Variants in RNF6 observed in about 807,000 individuals in gnomAD.
RNF6 encodes the protein ring finger protein 6, also known as E3 ubiquitin-protein ligase RNF6.
Under a neutral mutation model 50.1 loss-of-function variants are expected in RNF6, and 21 were observed. That is an observed-to-expected ratio of 0.42 (90% CI 0.30 to 0.60). The LOEUF is 0.60. RNF6 is among the 20% of genes least tolerant of loss of function. RNF6 has a pLI of 0.20. For synonymous variants in RNF6, 255 were observed against 291.8 expected, an observed-to-expected ratio of 0.87 and a Z score of 1.29; for missense variants, 698 against 838.2, an observed-to-expected ratio of 0.83 and a Z score of 2.07.
chr13:26,194,098 T>A (rs1447595564), intron 5 of RNF6, among the ~76,000 whole-genome samples: 1 of 152,102 alleles, frequency 6.6e-6, no homozygotes, highest in Non-Finnish European at 1.5e-5. Flanking sequence ...CCACATGAGA[T>A]TGGTAATAAT....
intron 5 of RNF6, among the ~76,000 whole-genome samples, chr13:26,176,828 G>T (rs185853251): frequency 6.6e-6 from 1 of 152,192 alleles, no homozygotes; most frequent in Non-Finnish European, 1.5e-5. Context: ...CAGCTACTCA[G>T]GAGGCTGAGG....
intron 5 of RNF6, among the ~76,000 whole-genome samples, chr13:26,202,237 G>C (rs1233180211): frequency 6.6e-6 from 1 of 152,152 alleles, no homozygotes. Context: ...TCTTGAGTTG[G>C]TTTGAATATC....
intron 5 of RNF6, among the ~76,000 whole-genome samples, chr13:26,151,597 C>G (rs1214943239): frequency 7.1e-6 from 1 of 141,632 alleles, no homozygotes; most frequent in African/African-American, 2.6e-5. Flanking sequence ...TTAACTGAAC[C>G]TTTTCTCCTT....
rs372493297 is a variant in RNF6 at position 26,152,307 on chromosome 13, A to G, written n.769-19856T>C. 7.2e-5 allele frequency among the ~76,000 whole-genome samples: 11 copies of G among 152,298 alleles called. No individual in the cohort carries two copies. In the East Asian group the frequency reaches 1.5e-3, roughly 21 times the overall value. The stretch of plus-strand genomic sequence containing the variant: ...CTAGTTCTCTCCAAAAAGACGCCCA[A>G]TGTTTCCAGTTTCCACGCGTTTGCT... On this transcript the variant is annotated intron_variant and non_coding_transcript_variant, in intron 5 of 5. Transcript: ENST00000468480.
downstream of RNF6, among the ~76,000 whole-genome samples, chr13:26,211,057 A>T (rs556453178): frequency 6.6e-6 from 1 of 152,366 alleles, no homozygotes; most frequent in Non-Finnish European, 1.5e-5. Flanking sequence ...TCTTCTCTAT[A>T]TTGGAACCAC....
rs758071509 is a variant in RNF6 at position 26,214,785 on chromosome 13, G to A, written c.1097C>T (p.Pro366Leu). 4 of 1,614,160 alleles carry A rather than the reference G, an allele frequency of 2.5e-6. No homozygotes were observed. The highest frequency in any genetic ancestry group is 2.2e-5 in the East Asian group (1 of 44,882). The change falls in exon 5 of 5, where the codon CCA becomes CTA. Residue 366 changes from proline (P) to leucine (L), a missense_variant. Pro to Leu is a moderately conservative substitution (Grantham distance 98). Coordinates refer to ENST00000381588, the MANE Select transcript of RNF6 (RefSeq NM_005977.4). ...ERERRGTAYTPFSNSRLVSRI... is the reference protein window; with the variant it reads ...ERERRGTAYTLFSNSRLVSRI... The stretch of plus-strand genomic sequence containing the variant: ...TGACACAAGCCTTGAATTAGAGAAT[G>A]GGGTATATGCAGTACCTCTGCGTTC...
Position 26,214,209 on chromosome 13 carries a change from G to A in RNF6, c.1673C>T (p.Pro558Leu). The change falls in exon 5 of 5, where the codon CCT (proline) becomes CTT (leucine). Residue 558 changes from proline (P) to leucine (L), a missense_variant. Pro to Leu is a moderately conservative substitution (Grantham distance 98). Coordinates refer to ENST00000381588, the MANE Select transcript of RNF6 (RefSeq NM_005977.4). ...EMHGENETTQ[P>L]HTRNSDSRGG... ...CCTACTGTCACTGTTTCGAGTATGA[G>A]GCTGGGTGGTCTCGTTTTCACCATG... is the stretch of plus-strand genomic sequence containing the variant. 1.2e-6 allele frequency: 2 copies of A among 1,614,192 alleles called. No homozygotes were observed. Among genetic ancestry groups the A allele is most frequent in the Non-Finnish European group, 1.7e-6 (2 of 1,180,036 alleles).
At chr13:26,141,524 A>C (rs568943808) in intron 5 of RNF6, among the ~76,000 whole-genome samples, 1 of 152,304 alleles carries the variant, frequency 6.6e-6, no homozygotes, top group South Asian at 2.1e-4. Context: ...TACTGGTACA[A>C]AAGGAGACAC....
At position 26,205,434 on chromosome 13, in the gene RNF6, T is replaced by C. The variant is rs141746441; in HGVS notation, n.768+10040A>G. 1.7e-4 allele frequency among the ~76,000 whole-genome samples: 26 copies of C among 152,334 alleles called. No individual in the cohort carries two copies. In the East Asian group the frequency reaches 4.8e-3, roughly 28 times the overall value. On this transcript the variant is annotated intron_variant and non_coding_transcript_variant, in intron 5 of 5. Transcript: ENST00000468480. ...AATCCTCACCCTGTTAAGGGGTCAT[T>C]GTTTCTCAATAGGACTGGACTAGTT...
intron 5 of RNF6, among the ~76,000 whole-genome samples, chr13:26,141,425 CAAAA>C (rs34336773): frequency 2.3e-5 from 3 of 129,998 alleles, no homozygotes; most frequent in Admixed American, 7.6e-5. Flanking sequence ...AAGACTCTGT[CAAAA>C]AAAAAAAAAA....
chr13:26,139,977 G>T (rs1046851302), intron 5 of RNF6, among the ~76,000 whole-genome samples: 4 of 152,188 alleles, frequency 2.6e-5, no homozygotes, highest in African/African-American at 9.6e-5. Context: ...GCATGAGCCT[G>T]TAATGAACCT....
intron 5 of RNF6, among the ~76,000 whole-genome samples, chr13:26,168,248 G>A (rs1872538442): frequency 6.6e-6 from 1 of 152,164 alleles, no homozygotes; most frequent in African/African-American, 2.4e-5. Context: ...ATTTATAGGT[G>A]TTGCTAAAGA....
intron 5 of RNF6, among the ~76,000 whole-genome samples, chr13:26,167,964 A>G (rs1439755053): frequency 6.6e-6 from 1 of 152,172 alleles, no homozygotes; most frequent in African/African-American, 2.4e-5. Flanking sequence ...CAAATACCAC[A>G]TGTTCTCACC....
chr13:26,153,091 T>G (rs1871709614), intron 5 of RNF6, among the ~76,000 whole-genome samples: 1 of 150,950 alleles, frequency 6.6e-6, no homozygotes, highest in Non-Finnish European at 1.5e-5. Context: ...AGGTGGAGGT[T>G]GCAGTGAGCT....
rs150170248 is a variant in RNF6 at position 26,221,300 on chromosome 13, A to G, written c.-71T>C. On this transcript the variant is annotated 5_prime_UTR_variant, in exon 2 of 5. Transcript: ENST00000381588. Reference sequence around the variant, plus strand: ...CATATGCCATGGTATCCATCCTTCAATTGTTTGTGCCTTTTTTGAGAGCTG... The same window carrying G: ...CATATGCCATGGTATCCATCCTTCAGTTGTTTGTGCCTTTTTTGAGAGCTG... 119 of 152,326 alleles carry G rather than the reference A, an allele frequency of 7.8e-4. No homozygotes were observed. The highest frequency in any genetic ancestry group is 2.7e-3 in the African/African-American group (113 of 41,560). The allele number at this position is 152,326 out of a possible 1,614,324, so 9.4% of individuals were successfully genotyped here.
At chr13:26,163,450 T>C (rs1369823387) in intron 5 of RNF6, among the ~76,000 whole-genome samples, 1 of 152,258 alleles carries the variant, frequency 6.6e-6, no homozygotes, top group Non-Finnish European at 1.5e-5. Context: ...ATAAATTAGA[T>C]GGATAATTTT....
rs200032010 is a variant in RNF6, at chr13:26,213,941, T to C, written c.1941A>G (p.Gln647=). The C allele has an allele frequency of 6.2e-7, 1 of 1,614,160 alleles. No homozygotes were observed. Among genetic ancestry groups the C allele is most frequent in the Non-Finnish European group, 8.5e-7 (1 of 1,180,024 alleles). ...SDYVTGNKLR[Q]LPCMHEFHIH... Reference sequence around the variant, plus strand: ...TGTGAAATTCATGCATGCAAGGTAATTGCCTGAGCTTGTTTCCAGTTACAT... The same window carrying C: ...TGTGAAATTCATGCATGCAAGGTAACTGCCTGAGCTTGTTTCCAGTTACAT... The change falls in exon 5 of 5, where the codon CAA becomes CAG. Residue 647 remains glutamine (Q), a synonymous_variant. Coordinates refer to ENST00000381588, the MANE Select transcript of RNF6 (RefSeq NM_005977.4).
chr13:26,144,029 T>G (rs1402910350), intron 5 of RNF6, among the ~76,000 whole-genome samples: 3 of 152,206 alleles, frequency 2.0e-5, no homozygotes. Context: ...AGCAGTCTAA[T>G]GTAATCAACC....
intron 5 of RNF6, among the ~76,000 whole-genome samples, chr13:26,172,319 C>T (rs1872730606): frequency 6.6e-6 from 1 of 152,130 alleles, no homozygotes; most frequent in African/African-American, 2.4e-5. Flanking sequence ...CACAAAAATA[C>T]ATCCCAGATA....
Sources: allele counts gnomAD v4.1 joint callset (sites outside exome capture counted in the v4.1 genomes callset), GRCh38; gene constraint gnomAD v4.1.1; transcripts MANE v1.5; gene names NCBI Gene and HGNC (gene_info 2026-07-23, HGNC 2026-07-21).